Variants in SHROOM4 observed in about 807,000 individuals in gnomAD.
The protein encoded by SHROOM4 is shroom family member 4.
Under a neutral mutation model 80.3 loss-of-function variants are expected in SHROOM4, and 17 were observed. That is an observed-to-expected ratio of 0.21 (90% confidence interval 0.14 to 0.32). The LOEUF (loss-of-function observed/expected upper bound fraction) is 0.32. Among genes scored for constraint, SHROOM4 ranks in the 10% least tolerant of loss-of-function variants. SHROOM4 has a pLI of 1.00. For synonymous variants in SHROOM4, 400 were observed against 437.5 expected (o/e 0.91, Z 1.07); for missense variants, 993 against 1,140.3 (o/e 0.87, Z 1.86).
intron 5 of SHROOM4, among the ~76,000 whole-genome samples, chrX:50,610,523 T>C (rs1222873399): frequency 9.0e-6 from 1 of 111,521 alleles, no homozygotes; most frequent in Non-Finnish European, 1.9e-5. Flanking sequence ...TTCATCTTCA[T>C]CCCCACCTGA....
chrX:50,584,054 A>G (rs1928712865), downstream of SHROOM4, among the ~76,000 whole-genome samples: 1 of 111,921 alleles, frequency 8.9e-6, no homozygotes, highest in Non-Finnish European at 1.9e-5. Flanking sequence ...GTCTCTCTTG[A>G]GCTTTTGACT....
intron 1 of SHROOM4, among the ~76,000 whole-genome samples, chrX:50,696,244 A>C: frequency 8.9e-6 from 1 of 111,938 alleles, no homozygotes; most frequent in African/African-American, 3.2e-5. Flanking sequence ...TATGTGGCTA[A>C]AGCAGCAGCG....
At chrX:50,700,751 C>T (rs781921727) in intron 1 of SHROOM4, among the ~76,000 whole-genome samples, 2 of 112,322 alleles carry the variant, frequency 1.8e-5, no homozygotes, top group Non-Finnish European at 3.8e-5. Flanking sequence ...CCAAGAAACT[C>T]TGTTCCTAAT....
chrX:50,610,352 T>TCTCTCTCACACACACACA (rs782591424), intron 5 of SHROOM4, among the ~76,000 whole-genome samples: 169 of 91,700 alleles, frequency 1.8e-3, no homozygotes, highest in African/African-American at 7.1e-3. Flanking sequence ...TCTCTCTCTC[T>TCTCTCTCACACACACACA]CACACACACA....
intron 1 of SHROOM4, among the ~76,000 whole-genome samples, chrX:50,718,643 G>C (rs1428957431): frequency 1.8e-5 from 2 of 111,719 alleles, no homozygotes; most frequent in Non-Finnish European, 3.8e-5. Flanking sequence ...AAATGTCATT[G>C]GGTTGGAAAC....
chrX:50,744,271 A>C (rs1557267467), intron 1 of SHROOM4, among the ~76,000 whole-genome samples: 1 of 111,299 alleles, frequency 9.0e-6, no homozygotes, highest in Non-Finnish European at 1.9e-5. Context: ...CACATATATG[A>C]AGCTCTGTTC....
rs907451115 is a variant in SHROOM4, at chrX:50,709,131, C to T, written c.118-13194G>A. 3.6e-5 allele frequency among the ~76,000 whole-genome samples: 4 copies of T among 111,067 alleles called. No homozygotes were observed. The East Asian group carries it at 8.5e-4, about 24-fold the overall frequency. ...TCAGAATCTCTTATTTGCAACATTC[C>T]GGGATCTGTAACACGGTCACTGGGA... On this transcript the variant is annotated intron_variant, in intron 1 of 8. Transcript: ENST00000376020.
chrX:50,660,574 C>T (rs1448524550), intron 2 of SHROOM4, among the ~76,000 whole-genome samples: 2 of 66,646 alleles, frequency 3.0e-5, no homozygotes, highest in African/African-American at 5.7e-5. Context: ...CTCCCTCCCT[C>T]CCTTCCTCCC....
intron 1 of SHROOM4, among the ~76,000 whole-genome samples, chrX:50,779,454 CT>C (rs781819986): frequency 1.8e-5 from 2 of 112,258 alleles, no homozygotes; most frequent in East Asian, 5.6e-4. Flanking sequence ...TAAAATAGTA[CT>C]GTGGATATTG....
intron 2 of SHROOM4, among the ~76,000 whole-genome samples, chrX:50,684,236 C>A (rs782321063): frequency 9.0e-6 from 1 of 111,225 alleles, no homozygotes; most frequent in African/African-American, 3.3e-5. Context: ...ACAAGAAGGC[C>A]ACATAGACAC....
At chrX:50,716,551 A>G (rs1323899342) in intron 1 of SHROOM4, among the ~76,000 whole-genome samples, 1 of 111,955 alleles carries the variant, frequency 8.9e-6, no homozygotes, top group Non-Finnish European at 1.9e-5. Context: ...ATGTCTTCAC[A>G]TTATTTCACA....
At chrX:50,766,008 T>G (rs782538935) in intron 1 of SHROOM4, among the ~76,000 whole-genome samples, 48 of 111,914 alleles carry the variant, frequency 4.3e-4, no homozygotes, top group Non-Finnish European at 9.4e-5. Flanking sequence ...CTTGCTAGTC[T>G]GAAAGTTCCT....
At chrX:50,758,043 T>C (rs1557268555) in intron 1 of SHROOM4, among the ~76,000 whole-genome samples, 1 of 111,648 alleles carries the variant, frequency 9.0e-6, no homozygotes, top group African/African-American at 3.3e-5. Context: ...ATTCCATTTT[T>C]TGATGCTATT....
intron 2 of SHROOM4, among the ~76,000 whole-genome samples, chrX:50,659,826 T>G (rs1932434976): frequency 8.9e-6 from 1 of 112,053 alleles, no homozygotes; most frequent in South Asian, 3.8e-4. Context: ...ATTATAATAA[T>G]GGGACACAGA....
chrX:50,797,008 C>T (rs1055405129), intron 1 of SHROOM4, among the ~76,000 whole-genome samples: 6 of 90,503 alleles, frequency 6.6e-5, no homozygotes, highest in Admixed American at 1.5e-4. Context: ...GAGATCTCAT[C>T]GTTGCTTTCT....
intron 1 of SHROOM4, 112 bp downstream of exon 1, chrX:50,813,790 T>A (rs1557273703): frequency 3.6e-6 from 2 of 560,858 alleles, no homozygotes; most frequent in Non-Finnish European, 6.1e-6. Context: ...GGTCTTTCGC[T>A]CCCAGCCCTA....
At chrX:50,791,057 C>A (rs1385436305) in intron 1 of SHROOM4, among the ~76,000 whole-genome samples, 1 of 110,330 alleles carries the variant, frequency 9.1e-6, no homozygotes, top group Non-Finnish European at 1.9e-5. Flanking sequence ...TGATCTTATA[C>A]GGAGAAAATC....
intron 5 of SHROOM4, among the ~76,000 whole-genome samples, chrX:50,611,274 C>G (rs1028358991): frequency 4.6e-5 from 5 of 108,307 alleles, no homozygotes; most frequent in East Asian, 2.9e-4. Context: ...TCAGCCTCCC[C>G]AGTAGCTGGG....
Position 50,608,175 on chromosome X carries a change from A to T in SHROOM4, c.2967T>A (p.Ala989=). 6 of 1,211,912 alleles carry T rather than the reference A, an allele frequency of 5.0e-6. No individual in the cohort carries two copies. The highest frequency in any genetic ancestry group is 6.7e-6 in the Non-Finnish European group (6 of 895,534). The change falls in exon 6 of 9, where the codon GCT becomes GCA. Residue 989 remains alanine, a synonymous_variant. Transcript: ENST00000376020. ...RKTSQSGREM[A]HSKTSFSWAT... ...CCCATGAAAAGCTAGTCTTGGAATG[A>T]GCCATTTCCCTGCAAAACATCAGAT... is the stretch of plus-strand genomic sequence containing the variant.
Sources: gnomAD v4.1 joint callset for allele counts (sites outside exome capture counted in the v4.1 genomes callset) on GRCh38, gnomAD v4.1.1 for gene constraint, MANE v1.5 for transcripts, NCBI Gene and HGNC (gene_info 2026-07-23, HGNC 2026-07-21) for gene names.